The following MYO18B variants were observed in gnomAD, a reference collection of about 807,000 sequenced individuals.
The protein encoded by MYO18B is unconventional myosin-XVIIIb.
In MYO18B, 204 loss-of-function variants were observed where a neutral mutation model predicts 273.0. That is an observed-to-expected ratio of 0.75 (90% CI 0.67 to 0.84). The LOEUF is 0.84. Among genes scored for constraint, MYO18B ranks in the 40% least tolerant of loss-of-function variants. MYO18B has a pLI of 0.00. For synonymous variants in MYO18B, 1,330 were observed against 1,305.7 expected, an observed-to-expected ratio of 1.02 and a Z score of -0.40; for missense variants, 3,212 against 3,287.6, an observed-to-expected ratio of 0.98 and a Z score of 0.56.
chr22:25,971,086 C>T (rs1040030078), intron 39 of MYO18B, among the ~76,000 whole-genome samples: 1 of 152,246 alleles, frequency 6.6e-6, no homozygotes, highest in Non-Finnish European at 1.5e-5. Context: ...TCCATACTGT[C>T]TCTGTCACAA....
chr22:25,884,888 G>T (rs960343934), intron 25 of MYO18B: 6 of 152,130 alleles, frequency 3.9e-5, no homozygotes, highest in Admixed American at 6.5e-5. Context: ...ATAAGCCTGT[G>T]GGGAGAAGGT....
chr22:25,820,532 C>A (rs112421007), intron 12 of MYO18B, among the ~76,000 whole-genome samples: 89 of 144,966 alleles, frequency 6.1e-4, no homozygotes, highest in South Asian at 2.5e-3. Context: ...AAAGAGAGAA[C>A]TTTTTTTAGT....
Position 26,004,835 on chromosome 22 carries a change from C to A in MYO18B, c.6450C>A (p.Ser2150Arg). Residue 2150 changes from serine to arginine, a missense_variant, in exon 42 of 44, where the codon AGC becomes AGA. Transcript: ENST00000335473. ...MRTPSRQSATSSRILSPRINE... is the reference protein window; with the variant it reads ...MRTPSRQSATRSRILSPRINE... ...CTCCTTCTCGACAGTCAGCCACCAG[C>A]AGCCGCATCCTCAGCCCCAGGTAAG... The A allele has an allele frequency of 1.2e-6, 2 of 1,613,788 alleles. No homozygotes were observed. The highest frequency in any genetic ancestry group is 8.5e-7 in the Non-Finnish European group (1 of 1,179,752).
chr22:25,752,380 G>C (rs2085957262), intron 1 of MYO18B, among the ~76,000 whole-genome samples: 1 of 150,914 alleles, frequency 6.6e-6, no homozygotes, highest in African/African-American at 2.4e-5. Flanking sequence ...GTAGAGACGG[G>C]GTTTCACCGT....
At chr22:26,035,980 G>C (rs1303251892), downstream of MYO18B, among the ~76,000 whole-genome samples, 1 of 152,198 alleles carries the variant, frequency 6.6e-6, no homozygotes, top group African/African-American at 2.4e-5. Context: ...ACCCAACCCT[G>C]TTTCAAGGCC....
At chr22:25,794,550 G>C (rs1402265544) in intron 11 of MYO18B, among the ~76,000 whole-genome samples, 1 of 151,606 alleles carries the variant, frequency 6.6e-6, no homozygotes, top group Non-Finnish European at 1.5e-5. Flanking sequence ...TGTCACCCAG[G>C]CTGGAGTGAG....
intron 21 of MYO18B, among the ~76,000 whole-genome samples, chr22:25,858,075 G>A (rs925868829): frequency 2.6e-5 from 4 of 152,176 alleles, no homozygotes; most frequent in Admixed American, 1.3e-4. Flanking sequence ...CAGGCATTTC[G>A]TTTATAGGCT....
the MYO18B span, among the ~76,000 whole-genome samples, chr22:26,060,346 C>T: frequency 6.6e-6 from 1 of 151,998 alleles, no homozygotes; most frequent in South Asian, 2.1e-4. Flanking sequence ...AGTTCACCAA[C>T]CCCTGATTTA....
Position 26,004,729 on chromosome 22 carries a change from C to T in MYO18B, c.6344C>T (p.Ser2115Phe). The T allele has an allele frequency of 6.2e-7, 1 of 1,613,798 alleles. No homozygotes were observed. Residue 2115 changes from serine (S) to phenylalanine (F), a missense_variant, in exon 42 of 44, where the codon TCC becomes TTC. Physicochemically the swap from Ser to Phe is radical, Grantham distance 155 (BLOSUM62 -2). Transcript: ENST00000335473. ...CAATCTTATTCTAGGGATAACGTCT[C>T]CATCCTCAGCTCCCAGCCAGAGGGC... Reference protein sequence around the residue: ...SSGRKEMDNVSILSSQPEGSL... With the variant: ...SSGRKEMDNVFILSSQPEGSL...
At chr22:26,045,974 C>T in the MYO18B span, among the ~76,000 whole-genome samples, 2 of 152,196 alleles carry the variant, frequency 1.3e-5, no homozygotes, top group African/African-American at 2.4e-5. Context: ...AGGCATTTCA[C>T]CTCTCATTGG....
intron 42 of MYO18B, among the ~76,000 whole-genome samples, chr22:26,020,460 G>T (rs1299082203): frequency 7.9e-5 from 12 of 152,132 alleles, no homozygotes; most frequent in African/African-American, 2.9e-4. Flanking sequence ...CATAGGAATT[G>T]TTTACTCTTG....
At chr22:25,840,341 G>T (rs1234808352) in intron 17 of MYO18B, among the ~76,000 whole-genome samples, 2 of 152,250 alleles carry the variant, frequency 1.3e-5, no homozygotes, top group Admixed American at 6.5e-5. Flanking sequence ...CCTTCTGCCT[G>T]GAGGGCCCTT....
rs534752839 is a variant in MYO18B at position 25,768,586 on chromosome 22, C to A, written c.670C>A (p.Pro224Thr). The A allele has an allele frequency of 6.5e-7, 1 of 1,529,974 alleles. No homozygotes were observed. Among genetic ancestry groups the A allele is most frequent in the Non-Finnish European group, 8.7e-7 (1 of 1,143,342 alleles). 94.8% of individuals were successfully genotyped at this position (1,529,974 alleles called of 1,614,324 possible). ...GACCCGGACTGGGGGTCTTGGGGAC[C>A]CAGGCCAAGGAACTGTGGCACTGAA... ...EKTRTGGLGD[P>T]GQGTVALKKG... The change falls in exon 4 of 44, where the codon CCA becomes ACA. Residue 224 changes from proline to threonine, a missense_variant. Coordinates refer to ENST00000335473, the MANE Select transcript of MYO18B (RefSeq NM_032608.7).
intron 34 of MYO18B, among the ~76,000 whole-genome samples, chr22:25,938,055 A>T (rs776885150): frequency 4.4e-4 from 67 of 152,268 alleles, no homozygotes; most frequent in Admixed American, 2.4e-3. Flanking sequence ...CCTTCCAAAG[A>T]CACCATTTCT....
Position 25,883,268 on chromosome 22 carries a change from G to T in MYO18B, c.4314+5220G>T, listed in dbSNP as rs551793694. The T allele has an allele frequency of 6.6e-6, 1 of 152,366 alleles. No homozygotes were observed. Among genetic ancestry groups the T allele is most frequent in the Admixed American group, 6.5e-5 (1 of 15,302 alleles). The allele number at this position is 152,366 out of a possible 1,614,324, so 9.4% of individuals were successfully genotyped here. ...ATCTTCCCCAGTCCACCTCCTGAGGGTCTGACCCAAGAGGAGGTTCTTGGT... is the reference window on the plus strand; with the variant it reads ...ATCTTCCCCAGTCCACCTCCTGAGGTTCTGACCCAAGAGGAGGTTCTTGGT... On this transcript the variant is annotated intron_variant, in intron 25 of 43. Transcript: ENST00000335473. The surrounding 1 kb of genome is among the most constrained non-coding windows in gnomAD (Gnocchi z 7.6).
At chr22:25,780,764 G>C (rs2087115491) in intron 9 of MYO18B, among the ~76,000 whole-genome samples, 1 of 152,130 alleles carries the variant, frequency 6.6e-6, no homozygotes, top group Non-Finnish European at 1.5e-5. Flanking sequence ...CTGTGCTTCA[G>C]ACTTTCAGGC....
intron 21 of MYO18B, among the ~76,000 whole-genome samples, chr22:25,861,764 T>G (rs1482947160): frequency 6.6e-6 from 1 of 152,186 alleles, no homozygotes; most frequent in Non-Finnish European, 1.5e-5. Flanking sequence ...AGGGGCCATT[T>G]GAACACCCCT....
intron 39 of MYO18B, among the ~76,000 whole-genome samples, chr22:25,984,645 T>A (rs1327454232): frequency 1.5e-5 from 2 of 134,598 alleles, no homozygotes; most frequent in Non-Finnish European, 3.3e-5. Flanking sequence ...ATAATAATAA[T>A]AAATATCTGG....
chr22:25,944,432 G>A (rs2092681116), intron 34 of MYO18B, among the ~76,000 whole-genome samples: 1 of 152,132 alleles, frequency 6.6e-6, no homozygotes, highest in Non-Finnish European at 1.5e-5. Context: ...TGATTTCTAA[G>A]AGTGTTTTCT....
Sources: gnomAD v4.1 joint callset for allele counts (sites outside exome capture counted in the v4.1 genomes callset) on GRCh38, gnomAD v4.1.1 for gene constraint, Gnocchi (gnomAD v3.1) non-coding constraint, MANE v1.5 for transcripts, NCBI Gene and HGNC (gene_info 2026-07-23, HGNC 2026-07-21) for gene names.